The following PRDM11 variants were observed in gnomAD, a reference collection of about 807,000 sequenced individuals.
PRDM11 encodes the protein PR domain-containing protein 11.
In PRDM11, 20 loss-of-function variants were observed where a neutral mutation model predicts 97.8. The ratio of observed to expected loss-of-function variants is 0.20; its 90% CI spans 0.14 to 0.30. PRDM11 has a LOEUF of 0.30. Ranked by LOEUF, PRDM11 falls within the 10% of genes least tolerant of loss-of-function variation. The pLI is 1.00. For synonymous variants in PRDM11, 599 were observed against 637.7 expected (o/e 0.94, Z 0.91); for missense variants, 1,139 against 1,555.2 (o/e 0.73, Z 4.50).
intron 1 of PRDM11, among the ~76,000 whole-genome samples, chr11:45,137,242 T>C (rs6485592): frequency 0.84 from 126,916 of 151,346 alleles, 53,665 homozygotes; most frequent in Middle Eastern, 0.88. Flanking sequence ...AGACCAGCCT[T>C]GCCAACATGG....
intron 1 of PRDM11, among the ~76,000 whole-genome samples, chr11:45,101,567 A>AAGAAGAAGAAGAAG (rs1554963215): frequency 8.3e-5 from 8 of 96,864 alleles, no homozygotes; most frequent in African/African-American, 3.9e-4. Context: ...AAAAAAAAAA[A>AAGAAGAAGAAGAAG]AAGAAGAAGA....
At position 45,126,185 on chromosome 11, in the gene PRDM11, C is replaced by T. The variant is rs1211407738; in HGVS notation, c.96+30284C>T. 1.1e-4 allele frequency among the ~76,000 whole-genome samples: 16 copies of T among 152,018 alleles called. No individual in the cohort carries two copies. In the East Asian group the frequency reaches 2.9e-3, roughly 28 times the overall value. On this transcript the variant is annotated intron_variant, in intron 1 of 6. Coordinates refer to the PRDM11 transcript ENST00000530656. Reference sequence around the variant, plus strand: ...CCTGCCTTTTTTTGTTTTCCATTTGCTTGGTAGATCTTCCTCCATCCCTTT... The same window carrying T: ...CCTGCCTTTTTTTGTTTTCCATTTGTTTGGTAGATCTTCCTCCATCCCTTT...
chr11:45,199,910 T>A (rs1053073045), intron 4 of PRDM11, among the ~76,000 whole-genome samples: 6 of 152,190 alleles, frequency 3.9e-5, no homozygotes, highest in African/African-American at 1.4e-4. Flanking sequence ...AGGTCCTCAG[T>A]AGATTCCCAG....
chr11:45,123,861 A>G (rs11038313), intron 1 of PRDM11, among the ~76,000 whole-genome samples: 118,816 of 148,206 alleles, frequency 0.8, 48,506 homozygotes, highest in Middle Eastern at 0.87. Flanking sequence ...TTTTAAAGTA[A>G]TTTTTTCCAA....
chr11:45,175,456 C>T (rs1473741994), intron 1 of PRDM11, among the ~76,000 whole-genome samples: 8 of 152,164 alleles, frequency 5.3e-5, no homozygotes, highest in East Asian at 1.9e-4. Flanking sequence ...ATATGTTGAA[C>T]GTGTGTTTTC....
At chr11:45,117,821 T>C (rs932786561) in intron 1 of PRDM11, among the ~76,000 whole-genome samples, 2 of 152,182 alleles carry the variant, frequency 1.3e-5, no homozygotes, top group Non-Finnish European at 1.5e-5. Flanking sequence ...AAATAGTGAC[T>C]TCGTTCCGAC....
intron 1 of PRDM11, among the ~76,000 whole-genome samples, chr11:45,179,798 C>T (rs1852421840): frequency 6.6e-6 from 1 of 152,252 alleles, no homozygotes; most frequent in Admixed American, 6.5e-5. Context: ...CCCAGGATCA[C>T]ACCGCCCATC....
chr11:45,226,033 G>A lies in PRDM11; in HGVS notation c.1408G>A (p.Asp470Asn). 1.3e-6 allele frequency: 2 copies of A among 1,511,314 alleles called. No individual in the cohort carries two copies. Among genetic ancestry groups the A allele is most frequent in the Non-Finnish European group, 1.8e-6 (2 of 1,128,232 alleles). 93.6% of individuals were successfully genotyped at this position (1,511,314 alleles called of 1,614,324 possible). ...GGTCTCCGGCCCCGCCATCATGGAG[G>A]ATGATGACCAGGAAGTCGATTCAGC... ...SMVSGPAIME[D>N]DDQEVDSADE... The change falls in exon 8 of 8, where the codon GAT becomes AAT. Residue 470 changes from aspartate (D) to asparagine (N), a missense_variant. Around this residue, in one of 2 missense-constraint regions of PRDM11, gnomAD observed 710 missense variants for 1,044.9 expected, o/e 0.68. Coordinates refer to ENST00000683152, the MANE Select transcript of PRDM11 (RefSeq NM_001384648.1).
chr11:45,161,009 G>T (rs966911646), intron 1 of PRDM11, among the ~76,000 whole-genome samples: 3 of 152,182 alleles, frequency 2.0e-5, no homozygotes, highest in African/African-American at 7.2e-5. Context: ...GTTGTAGGAA[G>T]TGAGCTCTGG....
rs532251944 is a variant in PRDM11 at position 45,118,365 on chromosome 11, T to C, written c.96+22464T>C. ...TAGGATAATAGTTAGGAGAAATTGG[T>C]TAGGGGTGCATAGGAACTCTGTACT... On this transcript the variant is annotated intron_variant, in intron 1 of 6. Transcript: ENST00000530656. 3.9e-5 allele frequency among the ~76,000 whole-genome samples: 6 copies of C among 152,318 alleles called. No individual in the cohort carries two copies. The South Asian group carries it at 1.2e-3, about 32-fold the overall frequency.
chr11:45,131,771 T>C (rs151092935), intron 1 of PRDM11, among the ~76,000 whole-genome samples: 1 of 152,360 alleles, frequency 6.6e-6, no homozygotes, highest in Non-Finnish European at 1.5e-5. Flanking sequence ...TAGAATGCTT[T>C]TAGCTGCAAA....
In PRDM11 at chr11:45,146,778, C is replaced by A; in HGVS notation, c.-106C>A. 6.9e-6 allele frequency: 1 copy of A among 145,708 alleles called. No individual in the cohort carries two copies. Among genetic ancestry groups the A allele is most frequent in the South Asian group, 2.0e-4 (1 of 4,910 alleles). The allele number at this position is 145,708 out of a possible 1,614,324, so 9.0% of individuals were successfully genotyped here. A position where few individuals can be genotyped will look rare whatever the true frequency, so the allele number is the denominator to read the frequency against. The stretch of plus-strand genomic sequence containing the variant: ...GCGCCCGCAGCGCGGCCGCTCCCTC[C>A]GCGGGGGCCGCCAGCCGAGGCCGCG... On this transcript the variant is annotated 5_prime_UTR_variant, in exon 1 of 8. Transcript: ENST00000683152.
chr11:45,221,689 C>T (rs903361592), intron 6 of PRDM11, among the ~76,000 whole-genome samples: 6 of 151,916 alleles, frequency 3.9e-5, no homozygotes, highest in Admixed American at 1.3e-4. Context: ...GGAGATACAC[C>T]GAGACATATG....
intron 4 of PRDM11, among the ~76,000 whole-genome samples, chr11:45,194,288 C>T (rs1853021987): frequency 6.6e-6 from 1 of 152,064 alleles, no homozygotes; most frequent in South Asian, 2.1e-4. Flanking sequence ...ACATTCAGAT[C>T]CTGAGAATAT....
intron 4 of PRDM11, 91 bp downstream of exon 4, chr11:45,183,214 C>A: frequency 6.9e-7 from 1 of 1,445,760 alleles, no homozygotes; most frequent in East Asian, 2.4e-5. Flanking sequence ...AGCTTGGCCC[C>A]AGAACTTTTC....
intron 1 of PRDM11, among the ~76,000 whole-genome samples, chr11:45,148,653 T>G (rs1040597525): frequency 3.3e-5 from 5 of 152,216 alleles, no homozygotes; most frequent in African/African-American, 1.2e-4. Context: ...TGGACTCATT[T>G]GACCTGAGTT....
At chr11:45,160,330 C>G (rs1281555848) in intron 1 of PRDM11, among the ~76,000 whole-genome samples, 1 of 151,926 alleles carries the variant, frequency 6.6e-6, no homozygotes, top group East Asian at 1.9e-4. Context: ...TACATTTTTA[C>G]TTTGAAAAAA....
chr11:45,218,000 A>G (rs1326169157), intron 5 of PRDM11, among the ~76,000 whole-genome samples: 1 of 152,170 alleles, frequency 6.6e-6, no homozygotes, highest in Non-Finnish European at 1.5e-5. Flanking sequence ...CATTATTGGA[A>G]CCATAGTCTA....
rs766775416 is a variant in PRDM11 at position 45,226,094 on chromosome 11, C to T, written c.1469C>T (p.Thr490Met). The part of the protein sequence containing the change: ...ESVSNDMMTA[T>M]DEPSKMSSAT... ...GTCTCCAATGATATGATGACAGCGA[C>T]GGATGAGCCCTCCAAGATGTCATCG... The change falls in exon 8 of 8, where the codon ACG (threonine) becomes ATG (methionine). Residue 490 changes from threonine (T) to methionine (M), a missense_variant. Thr to Met is a moderately conservative substitution (Grantham distance 81). Coordinates refer to ENST00000683152, the MANE Select transcript of PRDM11 (RefSeq NM_001384648.1). 81 of 1,532,014 alleles carry T rather than the reference C, an allele frequency of 5.3e-5. No homozygotes were observed. The highest frequency in any genetic ancestry group is 2.3e-4 in the Middle Eastern group (1 of 4,376). 94.9% of individuals were successfully genotyped at this position (1,532,014 alleles called of 1,614,324 possible).
Sources: gnomAD v4.1 joint callset for allele counts (sites outside exome capture counted in the v4.1 genomes callset) on GRCh38, gnomAD v4.1.1 for gene constraint, gnomAD v4.1.1 regional missense constraint, MANE v1.5 for transcripts, NCBI Gene and HGNC (gene_info 2026-07-23, HGNC 2026-07-21) for gene names.